Variants in NDUFAF6 observed in about 807,000 individuals in gnomAD.
NDUFAF6 encodes the protein NADH:ubiquinone oxidoreductase complex assembly factor 6.
Under a neutral mutation model 40.8 loss-of-function variants are expected in NDUFAF6, and 45 were observed. That is an observed-to-expected ratio of 1.10 (90% CI 0.87 to 1.42). The LOEUF (loss-of-function observed/expected upper bound fraction) is 1.42, where lower values mean the gene tolerates loss of function less well. Among genes scored for constraint, NDUFAF6 ranks in the 40% most tolerant of loss-of-function variants. The probability of loss-of-function intolerance (pLI) is 0.00; values close to 1 mark genes in which losing one functional copy is unlikely to be tolerated. For missense variants in NDUFAF6, 435 were observed against 418.5 expected (o/e 1.04, Z -0.34); for synonymous variants, 185 against 155.9 (o/e 1.19, Z -1.39).
chr8:94,949,664 C>T (rs896076603), intron 2 of NDUFAF6, among the ~76,000 whole-genome samples: 6 of 152,100 alleles, frequency 3.9e-5, no homozygotes, highest in Non-Finnish European at 7.4e-5. Context: ...TTCCAGGAGC[C>T]GGCGGGAGCG....
chr8:94,941,171 C>T, intron 1 of NDUFAF6: 1 of 395,988 alleles, frequency 2.5e-6, no homozygotes. Context: ...ACACACATAC[C>T]CTTAGAAGAA....
intron 2 of NDUFAF6, among the ~76,000 whole-genome samples, chr8:95,032,654 G>A (rs964089651): frequency 1.3e-5 from 2 of 152,164 alleles, no homozygotes; most frequent in African/African-American, 4.8e-5. Flanking sequence ...GGAGATGAGA[G>A]AGTGAAAACT....
chr8:94,998,651 G>A (rs1225719500), intron 2 of NDUFAF6, among the ~76,000 whole-genome samples: 2 of 152,194 alleles, frequency 1.3e-5, no homozygotes, highest in African/African-American at 2.4e-5. Flanking sequence ...ATGAGTAGAA[G>A]AGGCAGACAC....
intron 1 of NDUFAF6, among the ~76,000 whole-genome samples, chr8:94,966,966 C>T (rs1445804896): frequency 6.6e-6 from 1 of 152,150 alleles, no homozygotes; most frequent in Non-Finnish European, 1.5e-5. Flanking sequence ...AAATGCAGTT[C>T]TTAGCTAGGC....
chr8:95,024,980 G>T, upstream of NDUFAF6: 1 of 1,299,342 alleles, frequency 7.7e-7, no homozygotes, highest in Non-Finnish European at 9.7e-7. Flanking sequence ...CCGACGGCGG[G>T]GGGTCGAAGG....
intron 3 of NDUFAF6, among the ~76,000 whole-genome samples, chr8:95,035,932 A>G (rs1364144612): frequency 1.3e-5 from 2 of 152,206 alleles, no homozygotes; most frequent in Admixed American, 6.5e-5. Flanking sequence ...TCCTTATACC[A>G]GTGTTTTAAT....
chr8:94,898,550 T>G (rs1046099828), intron 1 of NDUFAF6, among the ~76,000 whole-genome samples: 4 of 152,190 alleles, frequency 2.6e-5, no homozygotes, highest in Non-Finnish European at 4.4e-5. Context: ...GACATCATGA[T>G]TTATTACTGT....
At chr8:94,944,863 C>T (rs1279324774) in intron 1 of NDUFAF6, among the ~76,000 whole-genome samples, 4 of 152,152 alleles carry the variant, frequency 2.6e-5, no homozygotes, top group Admixed American at 2.0e-4. Flanking sequence ...CTCTCTTTCC[C>T]CACAAACTTC....
downstream of NDUFAF6, among the ~76,000 whole-genome samples, chr8:95,117,039 A>G (rs906603027): frequency 2.0e-5 from 3 of 152,220 alleles, no homozygotes; most frequent in African/African-American, 7.2e-5. Context: ...CTGCCCTCAG[A>G]TGTCAGATAA....
Sources: gnomAD v4.1 joint callset for allele counts (sites outside exome capture counted in the v4.1 genomes callset) on GRCh38, gnomAD v4.1.1 for gene constraint, MANE v1.5 for transcripts, NCBI Gene and HGNC (gene_info 2026-07-23, HGNC 2026-07-21) for gene names.